Variants in TOGARAM1 observed in about 807,000 individuals in gnomAD.
TOGARAM1 encodes TOG array regulator of axonemal microtubules 1.
Under a neutral mutation model 166.6 loss-of-function variants are expected in TOGARAM1, and 100 were observed. The observed-to-expected ratio is 0.60, with a 90% CI of 0.51 to 0.71. TOGARAM1 has a LOEUF of 0.71. TOGARAM1 is among the 30% of genes least tolerant of loss of function. The pLI is 0.00. For missense variants in TOGARAM1, 2,029 were observed against 2,102.7 expected, an observed-to-expected ratio of 0.96 and a Z score of 0.69; for synonymous variants, 758 against 763.8, an observed-to-expected ratio of 0.99 and a Z score of 0.13.
chr14:45,034,362 G>C (rs1881321020), intron 11 of TOGARAM1, among the ~76,000 whole-genome samples: 1 of 152,140 alleles, frequency 6.6e-6, no homozygotes, highest in African/African-American at 2.4e-5. Flanking sequence ...GGTGCTGAGA[G>C]TTTGAGGAGG....
chr14:45,056,746 G>A (rs907612497), intron 16 of TOGARAM1, among the ~76,000 whole-genome samples: 20 of 151,880 alleles, frequency 1.3e-4, no homozygotes, highest in African/African-American at 4.6e-4. Context: ...TCTTTTTGAC[G>A]TGCTGTTGTT....
In TOGARAM1 at chr14:44,982,220, G is replaced by A. The variant is rs1018754759; in HGVS notation, c.2047-13526G>A. On this transcript the variant is annotated intron_variant, in intron 1 of 19. Transcript: ENST00000361462. The stretch of plus-strand genomic sequence containing the variant: ...CTATTTAATATTATATAATATCGTG[G>A]TGTGTTTAACTTATCTCTTACTTTG... Among the ~76,000 whole-genome samples, 8 of 152,202 alleles carry A rather than the reference G, an allele frequency of 5.3e-5. No homozygotes were observed. In the East Asian group the frequency reaches 5.8e-4, roughly 11 times the overall value.
chr14:44,989,723 C>A (rs868301353), intron 1 of TOGARAM1, among the ~76,000 whole-genome samples: 4 of 152,190 alleles, frequency 2.6e-5, no homozygotes, highest in Admixed American at 6.5e-5. Flanking sequence ...GTCACTTCCA[C>A]ATTTTCAAGT....
chr14:45,027,382 A>G lies in TOGARAM1; in HGVS notation c.3412A>G (p.Ile1138Val). ...SSVENGDTFS[I>V]KQSIEPPSGI... is the part of the protein sequence containing the mutation. Reference sequence around the variant, plus strand: ...TGTGGAAAATGGGGATACATTTTCAATTAAACAAAGTATTGAACCACCATC... The same window carrying G: ...TGTGGAAAATGGGGATACATTTTCAGTTAAACAAAGTATTGAACCACCATC... Residue 1138 changes from isoleucine (I) to valine (V), a missense_variant, in exon 9 of 20, where the codon ATT (isoleucine) becomes GTT (valine). Physicochemically the swap from Ile to Val is conservative, Grantham distance 29. Around this residue, in one of 2 missense-constraint regions of TOGARAM1, gnomAD observed 1,453 missense variants for 1,432.2 expected, o/e 1.01. Coordinates refer to ENST00000361462, the MANE Select transcript of TOGARAM1 (RefSeq NM_001308120.2). 7.4e-6 allele frequency: 12 copies of G among 1,613,880 alleles called. No individual in the cohort carries two copies. The highest frequency in any genetic ancestry group is 1.1e-5 in the South Asian group (1 of 91,028).
chr14:44,976,748 T>A (rs2138742721), intron 1 of TOGARAM1, among the ~76,000 whole-genome samples: 1 of 152,358 alleles, frequency 6.6e-6, no homozygotes, highest in South Asian at 2.1e-4. Context: ...ATACTGGGGT[T>A]CTTATGTCTT....
At chr14:45,068,882 C>T (rs1332972745) in intron 18 of TOGARAM1, among the ~76,000 whole-genome samples, 1 of 151,788 alleles carries the variant, frequency 6.6e-6, no homozygotes, top group Non-Finnish European at 1.5e-5. Flanking sequence ...CTGCCTCAAC[C>T]TCACATCTGC....
Position 45,052,576 on chromosome 14 carries a change from G to C in TOGARAM1, c.4440+14G>C. ...TTACAGCAAAAGGTATGTGGGAAAA[G>C]TTTGTTTTATAAACAGCTTTATAAG... On this transcript the variant is annotated intron_variant, in intron 15 of 19. Transcript: ENST00000361462. 1 of 1,579,280 alleles carries C rather than the reference G, an allele frequency of 6.3e-7. No homozygotes were observed. The highest frequency in any genetic ancestry group is 1.4e-5 in the African/African-American group (1 of 73,920).
chr14:44,967,360 C>T (rs1885614747), intron 1 of TOGARAM1, among the ~76,000 whole-genome samples: 2 of 152,120 alleles, frequency 1.3e-5, no homozygotes, highest in Admixed American at 6.6e-5. Context: ...CAGTAACCCC[C>T]CTCCCCCCAC....
chr14:44,998,729 C>G (rs10144729), intron 2 of TOGARAM1, among the ~76,000 whole-genome samples: 24,248 of 152,060 alleles, frequency 0.16, 2,072 homozygotes, highest in Middle Eastern at 0.29. Context: ...CATACAGTTT[C>G]AGAACTACAA....
intron 11 of TOGARAM1, among the ~76,000 whole-genome samples, chr14:45,041,201 G>A (rs1005593019): frequency 5.3e-5 from 8 of 151,964 alleles, no homozygotes; most frequent in African/African-American, 1.7e-4. Flanking sequence ...TCAGGAGTTC[G>A]AGATCACCTG....
chr14:45,002,754 G>T (rs564256639), intron 3 of TOGARAM1, among the ~76,000 whole-genome samples: 1 of 152,282 alleles, frequency 6.6e-6, no homozygotes, highest in East Asian at 1.9e-4. Context: ...AAGGTGGGTG[G>T]ATCATGAGGT....
At chr14:45,007,486 T>C (rs1046557205) in intron 5 of TOGARAM1, 3 of 152,068 alleles carry the variant, frequency 2.0e-5, no homozygotes, top group African/African-American at 7.2e-5. Flanking sequence ...AATATAGTTC[T>C]TTTTTTAGTG....
rs1463041654 is a variant in TOGARAM1, at chr14:45,025,792, C to T, written c.3248C>T (p.Ser1083Leu). Reference sequence around the variant, plus strand: ...TTTGGGGGATTTACAGGGTCATCATCAAATCCACAGCAAATTTCCAGTTTT... The same window carrying T: ...TTTGGGGGATTTACAGGGTCATCATTAAATCCACAGCAAATTTCCAGTTTT... ...AEQSPSAGSS[S>L]NPQQISSFDF... The change falls in exon 8 of 20, where the codon TCA becomes TTA. Residue 1083 changes from serine (S) to leucine (L), a missense_variant. Transcript: ENST00000361462. The T allele has an allele frequency of 1.2e-6, 2 of 1,601,524 alleles. No homozygotes were observed. The highest frequency in any genetic ancestry group is 1.1e-5 in the South Asian group (1 of 90,406).
At chr14:45,039,908 C>A (rs1881640201) in intron 11 of TOGARAM1, among the ~76,000 whole-genome samples, 1 of 152,198 alleles carries the variant, frequency 6.6e-6, no homozygotes, top group African/African-American at 2.4e-5. Flanking sequence ...CAGCGCACTT[C>A]CCCTGCCACA....
intron 14 of TOGARAM1, 40 bp from the exon 15 acceptor site, chr14:45,052,396 T>C (rs1459736090): frequency 6.3e-7 from 1 of 1,577,566 alleles, no homozygotes; most frequent in Non-Finnish European, 8.7e-7. Flanking sequence ...AGCTTATTAA[T>C]GTCTAAAAAG....
intron 18 of TOGARAM1, among the ~76,000 whole-genome samples, chr14:45,070,918 G>T (rs770930554): frequency 7.3e-5 from 11 of 151,340 alleles, no homozygotes; most frequent in Non-Finnish European, 1.6e-4. Context: ...TTCTGTTGTT[G>T]TTGTTGTTGT....
intron 1 of TOGARAM1, among the ~76,000 whole-genome samples, chr14:44,966,368 G>A (rs1377341192): frequency 1.3e-5 from 2 of 151,838 alleles, no homozygotes; most frequent in Non-Finnish European, 2.9e-5. Context: ...AGCTACTCGG[G>A]AGGCTGAGGC....
At position 45,052,435 on chromosome 14, in the gene TOGARAM1, G is replaced by A. The variant is rs1367035474; in HGVS notation, c.4314-1G>A. ...TATACCTGTTTTTCAAATACTCACA[G>A]GTATTATGGTCGAAAGATGCTGTTC... On this transcript the variant is annotated splice_acceptor_variant, in intron 14 of 19. Coordinates refer to ENST00000361462, the MANE Select transcript of TOGARAM1 (RefSeq NM_001308120.2). LOFTEE classifies it high-confidence loss of function. 10 of 1,608,196 alleles carry A rather than the reference G, an allele frequency of 6.2e-6. No individual in the cohort carries two copies. The highest frequency in any genetic ancestry group is 7.6e-6 in the Non-Finnish European group (9 of 1,176,662).
At chr14:45,045,682 C>CATATATAT (rs1566661033) in intron 13 of TOGARAM1, among the ~76,000 whole-genome samples, 1 of 85,642 alleles carries the variant, frequency 1.2e-5, no homozygotes, top group Non-Finnish European at 2.0e-5. Flanking sequence ...TATATATATA[C>CATATATAT]ACATATATAC....
Sources: gnomAD v4.1 joint callset for allele counts (sites outside exome capture counted in the v4.1 genomes callset) on GRCh38, gnomAD v4.1.1 for gene constraint, gnomAD v4.1.1 regional missense constraint, MANE v1.5 for transcripts, NCBI Gene and HGNC (gene_info 2026-07-23, HGNC 2026-07-21) for gene names.